The following CAPZA2 variants were observed in gnomAD, a reference collection of about 807,000 sequenced individuals.
The protein encoded by CAPZA2 is F-actin-capping protein subunit alpha-2.
In CAPZA2, 13 loss-of-function variants were observed where a neutral mutation model predicts 44.0. The observed-to-expected ratio is 0.30, with a 90% confidence interval of 0.19 to 0.47. The LOEUF (loss-of-function observed/expected upper bound fraction) is 0.47. Among genes scored for constraint, CAPZA2 ranks in the 20% least tolerant of loss-of-function variants. CAPZA2 has a pLI of 1.00. For missense variants in CAPZA2, 244 were observed against 338.6 expected (o/e 0.72, Z 2.19); for synonymous variants, 94 against 108.2 (o/e 0.87, Z 0.81).
At chr7:116,873,787 CAT>C (rs1796582500) in intron 1 of CAPZA2, 1 of 155,742 alleles carries the variant, frequency 6.4e-6, no homozygotes, top group Non-Finnish European at 1.4e-5. Context: ...GAAGAGGTGA[CAT>C]AGGCTGAGGG....
Position 116,903,785 on chromosome 7 carries a change from T to G in CAPZA2, c.220-392T>G, listed in dbSNP as rs531904936. ...AGGATTTGCACCAGACCAAAGCCAT[T>G]CAGGTAACCACCCTGATTGGAGGTT... On this transcript the variant is annotated intron_variant, in intron 4 of 9. Transcript: ENST00000361183. 2.0e-5 allele frequency among the ~76,000 whole-genome samples: 3 copies of G among 152,332 alleles called. No homozygotes were observed. The East Asian group carries it at 5.8e-4, about 29-fold the overall frequency.
chr7:116,917,180 A>G (rs1791691296), intron 9 of CAPZA2, among the ~76,000 whole-genome samples: 1 of 152,152 alleles, frequency 6.6e-6, no homozygotes, highest in Non-Finnish European at 1.5e-5. Context: ...ATTAAGTCTA[A>G]TTTATAGTTT....
chr7:116,875,818 C>CAGGTGTAT (rs879425696), intron 1 of CAPZA2: 2 of 151,976 alleles, frequency 1.3e-5, no homozygotes, highest in African/African-American at 4.8e-5. Context: ...TGGGATTTTA[C>CAGGTGTAT]AGGTGTAAGC....
Position 116,918,110 on chromosome 7 carries a change from A to C in CAPZA2, c.*243A>C, listed in dbSNP as rs1316231543. 5.7e-6 allele frequency: 2 copies of C among 348,192 alleles called. No homozygotes were observed. The highest frequency in any genetic ancestry group is 1.1e-5 in the Non-Finnish European group (2 of 188,718). 21.6% of individuals were successfully genotyped at this position (348,192 alleles called of 1,614,324 possible). A position where few individuals can be genotyped will look rare whatever the true frequency, so the allele number is the denominator to read the frequency against. On this transcript the variant is annotated 3_prime_UTR_variant, in exon 10 of 10. Coordinates refer to ENST00000361183, the MANE Select transcript of CAPZA2 (RefSeq NM_006136.3). ...TTTCTGTTAGGCCTTTCTTTCTTAC[A>C]ATGAAGAGATGATTCTTCTAGTTTA...
chr7:116,910,162 T>C, intron 6 of CAPZA2, 71 bp from the exon 7 acceptor site: 3 of 841,066 alleles, frequency 3.6e-6, no homozygotes, highest in East Asian at 4.9e-5. Flanking sequence ...GCATGAAATA[T>C]AATCTGAAAC....
At chr7:116,879,884 A>C (rs1796669697) in intron 1 of CAPZA2, among the ~76,000 whole-genome samples, 1 of 152,214 alleles carries the variant, frequency 6.6e-6, no homozygotes, top group African/African-American at 2.4e-5. Flanking sequence ...ACCTGTAATC[A>C]GTAGCTACTG....
At chr7:116,894,818 A>G (rs1438898762) in intron 3 of CAPZA2, among the ~76,000 whole-genome samples, 1 of 152,142 alleles carries the variant, frequency 6.6e-6, no homozygotes, top group Non-Finnish European at 1.5e-5. Flanking sequence ...ATATTGTAGC[A>G]TGTGTCAGAA....
At chr7:116,916,195 A>C in intron 9 of CAPZA2, 73 bp downstream of exon 9, 1 of 1,407,536 alleles carries the variant, frequency 7.1e-7, no homozygotes, top group Non-Finnish European at 9.4e-7. Context: ...AATTTCAGCC[A>C]AAGGCTGAAT....
intron 2 of CAPZA2, among the ~76,000 whole-genome samples, chr7:116,890,363 A>G (rs951495844): frequency 4.0e-5 from 6 of 151,228 alleles, no homozygotes; most frequent in Non-Finnish European, 8.8e-5. Flanking sequence ...ATTTTAACTG[A>G]AAGAATATTT....
intron 1 of CAPZA2, among the ~76,000 whole-genome samples, chr7:116,865,583 G>A (rs570780005): frequency 3.3e-5 from 5 of 151,648 alleles, no homozygotes; most frequent in African/African-American, 1.2e-4. Context: ...AAGGAGAAAC[G>A]TTGATTCTTC....
At chr7:116,913,129 C>G (rs1791619105) in intron 8 of CAPZA2, among the ~76,000 whole-genome samples, 1 of 152,102 alleles carries the variant, frequency 6.6e-6, no homozygotes, top group South Asian at 2.1e-4. Flanking sequence ...ATTGATTATT[C>G]ACATTTGTAT....
chr7:116,906,194 A>T (rs929833216), intron 5 of CAPZA2, 69 bp from the exon 6 acceptor site: 2 of 1,568,876 alleles, frequency 1.3e-6, no homozygotes, highest in East Asian at 4.5e-5. Context: ...GCAGTATTTT[A>T]TAGATTTTTA....
At chr7:116,890,509 TAAAAAAAA>T (rs1159101707) in intron 2 of CAPZA2, among the ~76,000 whole-genome samples, 1 of 29,238 alleles carries the variant, frequency 3.4e-5, no homozygotes, top group African/African-American at 2.1e-4. Context: ...TGTCTCTACT[TAAAAAAAA>T]AAAAAAAAAT....
At chr7:116,868,586 T>A (rs1796511013) in intron 1 of CAPZA2, among the ~76,000 whole-genome samples, 1 of 152,064 alleles carries the variant, frequency 6.6e-6, no homozygotes, top group Admixed American at 6.6e-5. Flanking sequence ...TACAAAAAAT[T>A]AGCTGGGCGT....
intron 9 of CAPZA2, 124 bp downstream of exon 9, chr7:116,916,246 G>T: frequency 1.0e-6 from 1 of 967,090 alleles, no homozygotes; most frequent in South Asian, 2.4e-5. Context: ...TTGTGTGTCT[G>T]CTTTTAACAC....
intron 2 of CAPZA2, 52 bp from the exon 3 acceptor site, chr7:116,892,942 C>T: frequency 7.6e-7 from 1 of 1,317,402 alleles, no homozygotes; most frequent in Non-Finnish European, 1.1e-6. Context: ...GCGTTCATTA[C>T]ATTCTTGAAA....
intron 1 of CAPZA2, among the ~76,000 whole-genome samples, chr7:116,876,898 G>C (rs1049404008): frequency 2.0e-5 from 3 of 152,212 alleles, no homozygotes; most frequent in Non-Finnish European, 4.4e-5. Context: ...GGGGCTGTAG[G>C]AGGCAGACTT....
intron 7 of CAPZA2, among the ~76,000 whole-genome samples, chr7:116,911,156 A>G (rs1160756250): frequency 6.6e-6 from 1 of 152,130 alleles, no homozygotes; most frequent in African/African-American, 2.4e-5. Flanking sequence ...CTGGATAATT[A>G]CAGCAGTTTT....
intron 1 of CAPZA2, chr7:116,880,163 C>T (rs1429800639): frequency 2.2e-6 from 1 of 459,986 alleles, no homozygotes; most frequent in Non-Finnish European, 4.4e-6. Context: ...TATATTTAAC[C>T]ATAGATGCCA....
Sources: gnomAD v4.1 joint callset for allele counts (sites outside exome capture counted in the v4.1 genomes callset) on GRCh38, gnomAD v4.1.1 for gene constraint, MANE v1.5 for transcripts, NCBI Gene and HGNC (gene_info 2026-07-23, HGNC 2026-07-21) for gene names.